The following PDIA3 variants were observed in gnomAD, a reference collection of about 807,000 sequenced individuals.
PDIA3 encodes the protein protein disulfide-isomerase A3.
A neutral mutation model predicts 56.9 loss-of-function variants in PDIA3; 16 were observed. The observed-to-expected ratio is 0.28, with a 90% CI of 0.19 to 0.43. The LOEUF is 0.43. Among genes scored for constraint, PDIA3 ranks in the 20% least tolerant of loss-of-function variants. The probability of loss-of-function intolerance (pLI) is 1.00; values close to 1 mark genes in which losing one functional copy is unlikely to be tolerated. For missense variants in PDIA3, 485 were observed against 621.3 expected (o/e 0.78, Z 2.33); for synonymous variants, 192 against 216.5 (o/e 0.89, Z 0.99).
intron 10 of PDIA3, 48 bp from the exon 11 acceptor site, chr15:43,770,201 CT>C: frequency 7.1e-7 from 1 of 1,398,704 alleles, no homozygotes. Flanking sequence ...AAGTGTCCCT[CT>C]GTCACTGAAA....
At chr15:43,747,203 T>A (rs565922422) in intron 1 of PDIA3, 3 of 155,578 alleles carry the variant, frequency 1.9e-5, no homozygotes, top group African/African-American at 7.2e-5. Context: ...TGCAGAATGG[T>A]CGTAAGTGCT....
chr15:43,766,681 T>C (rs1223370528), intron 7 of PDIA3, 47 bp from the exon 8 acceptor site: 1 of 1,528,548 alleles, frequency 6.5e-7, no homozygotes, highest in Non-Finnish European at 9.0e-7. Flanking sequence ...CAAAAGTGCT[T>C]GACCACCCTG....
At chr15:43,749,033 A>C (rs1348177446) in intron 1 of PDIA3, among the ~76,000 whole-genome samples, 1 of 151,910 alleles carries the variant, frequency 6.6e-6, no homozygotes, top group Non-Finnish European at 1.5e-5. Context: ...GGCCTCCCAA[A>C]ATGCTGGGAT....
rs1027399000 is a variant in PDIA3, at chr15:43,772,819, G to T, written c.*1601G>T. The stretch of plus-strand genomic sequence containing the variant: ...AATGTCCTCATTATTTTATCCTGAA[G>T]ATGATGTCATTTCTCAGGACTTGAA... On this transcript the variant is annotated 3_prime_UTR_variant, in exon 13 of 13. Coordinates refer to ENST00000300289, the MANE Select transcript of PDIA3 (RefSeq NM_005313.5). 2.0e-5 allele frequency: 5 copies of T among 253,586 alleles called. No homozygotes were observed. Among genetic ancestry groups the T allele is most frequent in the Non-Finnish European group, 3.0e-5 (4 of 134,898 alleles). 15.7% of individuals were successfully genotyped at this position (253,586 alleles called of 1,614,324 possible).
intron 1 of PDIA3, among the ~76,000 whole-genome samples, chr15:43,748,562 C>G (rs571596862): frequency 1.3e-5 from 2 of 152,254 alleles, no homozygotes; most frequent in South Asian, 2.1e-4. Flanking sequence ...CTAAAAACTA[C>G]ATATCCCATC....
intron 1 of PDIA3, chr15:43,752,863 T>A (rs1402380372): frequency 2.1e-6 from 1 of 471,056 alleles, no homozygotes; most frequent in Non-Finnish European, 4.4e-6. Context: ...GAAAAGGTGA[T>A]GTACAGCTGG....
At chr15:43,752,734 T>G (rs1429486589) in intron 1 of PDIA3, 1 of 467,014 alleles carries the variant, frequency 2.1e-6, no homozygotes, top group African/African-American at 2.0e-5. Flanking sequence ...ATTACACCAT[T>G]GACTATTGAA....
At chr15:43,756,266 C>T (rs2086778078) in intron 2 of PDIA3, among the ~76,000 whole-genome samples, 1 of 152,170 alleles carries the variant, frequency 6.6e-6, no homozygotes, top group East Asian at 1.9e-4. Context: ...ATATGTACCA[C>T]CATCGATATA....
intron 1 of PDIA3, chr15:43,747,043 C>CCTG: frequency 3.3e-6 from 1 of 303,114 alleles, no homozygotes; most frequent in Non-Finnish European, 6.3e-6. Context: ...AGTATTAATG[C>CCTG]TCCTCCAGTC....
chr15:43,758,613 G>A (rs1035830559), intron 3 of PDIA3, among the ~76,000 whole-genome samples: 2 of 150,218 alleles, frequency 1.3e-5, no homozygotes, highest in South Asian at 2.1e-4. Flanking sequence ...AGTCGAGATC[G>A]GGCCACTGCA....
chr15:43,753,843 C>T lies in PDIA3; in HGVS notation c.187C>T (p.Leu63Phe), dbSNP rs139502481. ...FAPWCGHCKRLAPEYEAAATR... is the reference protein window; with the variant it reads ...FAPWCGHCKRFAPEYEAAATR... Reference sequence around the variant, plus strand: ...ATATAGGTGTGGACACTGCAAGAGACTTGCACCTGAGTATGAAGCTGCAGC... The same window carrying T: ...ATATAGGTGTGGACACTGCAAGAGATTTGCACCTGAGTATGAAGCTGCAGC... The change falls in exon 2 of 13, where the codon CTT becomes TTT. Residue 63 changes from leucine to phenylalanine, a missense_variant. Coordinates refer to ENST00000300289, the MANE Select transcript of PDIA3 (RefSeq NM_005313.5). 3.7e-6 allele frequency: 6 copies of T among 1,613,416 alleles called. No homozygotes were observed. Among genetic ancestry groups the T allele is most frequent in the Non-Finnish European group, 5.1e-6 (6 of 1,179,390 alleles).
At chr15:43,748,013 C>T (rs1369540318) in intron 1 of PDIA3, among the ~76,000 whole-genome samples, 4 of 152,144 alleles carry the variant, frequency 2.6e-5, no homozygotes, top group Non-Finnish European at 4.4e-5. Context: ...ACAACTCTTC[C>T]CAATTATATA....
chr15:43,759,236 G>A (rs1156612956), intron 3 of PDIA3, among the ~76,000 whole-genome samples: 1 of 152,170 alleles, frequency 6.6e-6, no homozygotes, highest in Non-Finnish European at 1.5e-5. Context: ...CTTGCAGTAA[G>A]CGGAGATAGC....
rs191403280 is a variant in PDIA3 at position 43,756,247 on chromosome 15, A to G, written c.247-402A>G. ...GATTTGCAAAATCAAATTACATTAC[A>G]CCTAAAGGATATGTACCACCATCGA... On this transcript the variant is annotated intron_variant, in intron 2 of 12. Transcript: ENST00000300289. Among the ~76,000 whole-genome samples, 3 of 152,320 alleles carry G rather than the reference A, an allele frequency of 2.0e-5. No homozygotes were observed. The East Asian group carries it at 5.8e-4, about 29-fold the overall frequency.
intron 12 of PDIA3, 26 bp from the exon 13 acceptor site, chr15:43,771,079 T>C: frequency 6.5e-7 from 1 of 1,528,552 alleles, no homozygotes; most frequent in East Asian, 2.3e-5. Flanking sequence ...AAAGTTACAC[T>C]TTTAAGCTGA....
intron 3 of PDIA3, among the ~76,000 whole-genome samples, chr15:43,759,287 C>G (rs1357282438): frequency 6.6e-6 from 1 of 152,090 alleles, no homozygotes; most frequent in Non-Finnish European, 1.5e-5. Context: ...GAGACTCTGT[C>G]TCAAAAATAA....
intron 10 of PDIA3, among the ~76,000 whole-genome samples, chr15:43,769,889 G>C (rs989578129): frequency 3.9e-5 from 6 of 152,122 alleles, no homozygotes; most frequent in Non-Finnish European, 2.9e-5. Flanking sequence ...AATATCTAAG[G>C]ACTTCTGAAT....
At chr15:43,768,950 G>C (rs1193079457) in intron 9 of PDIA3, among the ~76,000 whole-genome samples, 1 of 151,952 alleles carries the variant, frequency 6.6e-6, no homozygotes, top group Non-Finnish European at 1.5e-5. Flanking sequence ...CCTGAACCCA[G>C]GAAGCAGAGG....
At chr15:43,756,521 C>A (rs1385221478) in intron 2 of PDIA3, 128 bp from the exon 3 acceptor site, 6 of 666,724 alleles carry the variant, frequency 9.0e-6, no homozygotes, top group Admixed American at 2.2e-5. Context: ...ATCTAATGTT[C>A]TGTGGCATAT....
Sources: gnomAD v4.1 joint callset for allele counts (sites outside exome capture counted in the v4.1 genomes callset) on GRCh38, gnomAD v4.1.1 for gene constraint, MANE v1.5 for transcripts, NCBI Gene and HGNC (gene_info 2026-07-23, HGNC 2026-07-21) for gene names.